The following ZFX variants were observed in gnomAD, a reference collection of about 807,000 sequenced individuals.
The protein encoded by ZFX is zinc finger protein X-linked, also known as zinc finger X-chromosomal protein.
For missense variants in ZFX, 362 were observed against 628.3 expected (o/e 0.58, Z 4.53); for synonymous variants, 196 against 226.8 (o/e 0.86, Z 1.22).
At chrX:24,170,449 G>A (rs954667143) in intron 3 of ZFX, among the ~76,000 whole-genome samples, 2 of 110,188 alleles carry the variant, frequency 1.8e-5, no homozygotes, top group Non-Finnish European at 3.8e-5. Flanking sequence ...GAGCCACCAC[G>A]TCCAGCCAAT....
chrX:24,209,094 ACT>A, intron 9 of ZFX, 54 bp downstream of exon 9: 2 of 1,209,469 alleles, frequency 1.7e-6, no homozygotes, highest in African/African-American at 1.7e-5. Flanking sequence ...CTCAGAGGAA[ACT>A]CTAGTATGTA....
chrX:24,193,313 T>G (rs926506617), intron 5 of ZFX, among the ~76,000 whole-genome samples: 8 of 112,371 alleles, frequency 7.1e-5, no homozygotes, highest in African/African-American at 2.6e-4. Context: ...GAAAGCGTTA[T>G]GCTTAGTGAA....
At chrX:24,174,396 A>ATT (rs199790697) in intron 4 of ZFX, among the ~76,000 whole-genome samples, 7,185 of 94,502 alleles carry the variant, frequency 0.076, 291 homozygotes, top group Middle Eastern at 0.15. Flanking sequence ...TTAAATTAAA[A>ATT]TTTTTTTTTT....
At chrX:24,195,113 A>G (rs1249754819) in intron 5 of ZFX, among the ~76,000 whole-genome samples, 4 of 111,796 alleles carry the variant, frequency 3.6e-5, no homozygotes, top group African/African-American at 1.3e-4. Flanking sequence ...GAACCTACCA[A>G]TGACATTACG....
intron 5 of ZFX, among the ~76,000 whole-genome samples, chrX:24,194,475 T>C (rs1345081267): frequency 9.0e-6 from 1 of 111,372 alleles, no homozygotes; most frequent in Non-Finnish European, 1.9e-5. Context: ...ACTGTCCCAA[T>C]GTGAGTGAGC....
At chrX:24,191,229 G>A (rs1189805894) in intron 5 of ZFX, among the ~76,000 whole-genome samples, 1 of 111,565 alleles carries the variant, frequency 9.0e-6, no homozygotes, top group Non-Finnish European at 1.9e-5. Flanking sequence ...TCTAACTTAG[G>A]ACAGGGACCT....
Position 24,214,253 on chromosome X carries a change from TA to T in ZFX, c.*2878del, listed in dbSNP as rs1938314875. On this transcript the variant is annotated 3_prime_UTR_variant, in exon 10 of 10. Coordinates refer to ENST00000304543, the MANE Select transcript of ZFX (RefSeq NM_003410.4). ...AATATAAGTTATTGTTCTGTAGAAATATCCTATTAAATATTGTATGTCCCTC... is the reference window on the plus strand; with the variant it reads ...AATATAAGTTATTGTTCTGTAGAAATTCCTATTAAATATTGTATGTCCCTC... 1 of 112,012 alleles carries T rather than the reference TA, an allele frequency of 8.9e-6. No individual in the cohort carries two copies. Among genetic ancestry groups the T allele is most frequent in the Non-Finnish European group, 1.9e-5 (1 of 53,086 alleles). The allele number at this position is 112,012 out of a possible 1,213,427, so 9.2% of individuals were successfully genotyped here. A position where few individuals can be genotyped will look rare whatever the true frequency, so the allele number is the denominator to read the frequency against.
At position 24,172,708 on chromosome X, in the gene ZFX, G is replaced by T; in HGVS notation, c.-28-7G>T. 3 of 1,146,579 alleles carry T rather than the reference G, an allele frequency of 2.6e-6. No homozygotes were observed. The highest frequency in any genetic ancestry group is 1.8e-5 in the African/African-American group (1 of 55,157). 94.5% of individuals were successfully genotyped at this position (1,146,579 alleles called of 1,213,427 possible). A position where few individuals can be genotyped will look rare whatever the true frequency, so the allele number is the denominator to read the frequency against. On this transcript the variant is annotated splice_polypyrimidine_tract_variant and splice_region_variant and intron_variant, in intron 3 of 9. Transcript: ENST00000304543. Reference sequence around the variant, plus strand: ...ATGGCTTTGGTTTACTTTTTTCCCTGATTTAGGAGCTGTGACTGATGAGAA... The same window carrying T: ...ATGGCTTTGGTTTACTTTTTTCCCTTATTTAGGAGCTGTGACTGATGAGAA...
chrX:24,208,168 T>C, intron 7 of ZFX, 50 bp from the exon 8 acceptor site: 2 of 1,190,396 alleles, frequency 1.7e-6, no homozygotes, highest in Non-Finnish European at 2.3e-6. Context: ...ACGTGTTTCC[T>C]GTGATCTCTG....
chrX:24,165,417 C>T (rs1197899101), intron 3 of ZFX, among the ~76,000 whole-genome samples: 5 of 112,536 alleles, frequency 4.4e-5, no homozygotes, highest in African/African-American at 9.7e-5. Flanking sequence ...CCACGCCCGG[C>T]CAGAAAGATT....
At chrX:24,168,061 A>G (rs1934173951) in intron 3 of ZFX, among the ~76,000 whole-genome samples, 1 of 112,332 alleles carries the variant, frequency 8.9e-6, no homozygotes, top group Non-Finnish European at 1.9e-5. Context: ...ATCTGGAGAA[A>G]TGATGGCTAA....
At chrX:24,207,629 A>C in intron 6 of ZFX, 83 bp from the exon 7 acceptor site, 1 of 1,150,226 alleles carries the variant, frequency 8.7e-7, no homozygotes, top group Non-Finnish European at 1.2e-6. Flanking sequence ...GTAAAAAGTA[A>C]TAAGAAAATT....
chrX:24,174,584 G>A (rs976803671), intron 4 of ZFX, among the ~76,000 whole-genome samples: 6 of 109,074 alleles, frequency 5.5e-5, no homozygotes, highest in Admixed American at 9.9e-5. Context: ...TTAGTAGAAC[G>A]GGGTTTCACC....
At chrX:24,185,960 A>AC (rs1480181192) in intron 5 of ZFX, among the ~76,000 whole-genome samples, 11 of 105,926 alleles carry the variant, frequency 1.0e-4, no homozygotes, top group Non-Finnish European at 2.1e-4. Flanking sequence ...CCCTCCCAAA[A>AC]CCCCCCTAAA....
chrX:24,210,373 A>G lies in ZFX; in HGVS notation c.1415A>G (p.His472Arg). Residue 472 changes from histidine to arginine, a missense_variant, in exon 10 of 10, where the codon CAC becomes CGC. Transcript: ENST00000304543. ...ACTACCAACAAGAAGATAAGTTTAC[A>G]CAACCACCTGGAGAGCCACAAGCTG... ...DYTTNKKISLHNHLESHKLTS... is the reference protein window; with the variant it reads ...DYTTNKKISLRNHLESHKLTS... 1 of 1,212,075 alleles carries G rather than the reference A, an allele frequency of 8.3e-7. No individual in the cohort carries two copies. The highest frequency in any genetic ancestry group is 1.1e-6 in the Non-Finnish European group (1 of 895,637).
intron 5 of ZFX, among the ~76,000 whole-genome samples, chrX:24,206,769 A>G (rs1290825746): frequency 1.8e-5 from 2 of 110,078 alleles, no homozygotes; most frequent in Non-Finnish European, 3.8e-5. Flanking sequence ...TGTTAAGTAT[A>G]TTCTTTTGTA....
chrX:24,154,531 T>G (rs1932587724), intron 3 of ZFX, among the ~76,000 whole-genome samples: 1 of 112,092 alleles, frequency 8.9e-6, no homozygotes, highest in Admixed American at 9.5e-5. Context: ...ATCCCTAAGA[T>G]TCTTTCAGGG....
Position 24,211,188 on chromosome X carries a change from A to T in ZFX, c.2230A>T (p.Arg744Trp). Residue 744 changes from arginine (R) to tryptophan (W), a missense_variant, in exon 10 of 10, where the codon AGG becomes TGG. Transcript: ENST00000304543. ...AAAGCATATGAAGACACACAGTGGC[A>T]GGAAAGTGTATCAGTGTGAGTACTG... ...LKKHMKTHSG[R>W]KVYQCEYCEY... 1 of 1,212,458 alleles carries T rather than the reference A, an allele frequency of 8.2e-7. No individual in the cohort carries two copies. The highest frequency in any genetic ancestry group is 1.1e-6 in the Non-Finnish European group (1 of 895,716).
rs1444825969 is a variant in ZFX at position 24,212,180 on chromosome X, A to C, written c.*804A>C. On this transcript the variant is annotated 3_prime_UTR_variant, in exon 10 of 10. Coordinates refer to ENST00000304543, the MANE Select transcript of ZFX (RefSeq NM_003410.4). ...TGCATTTTGGAATCTCCTAGAGGTA[A>C]CTCATGGCTTATAGGATCTTTTGCA... is the stretch of plus-strand genomic sequence containing the variant. 8.9e-6 allele frequency: 1 copy of C among 111,951 alleles called. No homozygotes were observed. The highest frequency in any genetic ancestry group is 3.3e-5 in the African/African-American group (1 of 30,733). The allele number at this position is 111,951 out of a possible 1,213,427, so 9.2% of individuals were successfully genotyped here. A position where few individuals can be genotyped will look rare whatever the true frequency, so the allele number is the denominator to read the frequency against.
Sources: gnomAD v4.1 joint callset for allele counts (sites outside exome capture counted in the v4.1 genomes callset) on GRCh38, gnomAD v4.1.1 for gene constraint, MANE v1.5 for transcripts, NCBI Gene and HGNC (gene_info 2026-07-23, HGNC 2026-07-21) for gene names.